The following MYL9 variants were observed in gnomAD, a reference collection of about 807,000 sequenced individuals.
MYL9 encodes the protein myosin regulatory light polypeptide 9.
Under a neutral mutation model 12.8 loss-of-function variants are expected in MYL9, and 7 were observed. The observed-to-expected ratio is 0.55, with a 90% CI of 0.31 to 1.03. The LOEUF is 1.03. Among genes scored for constraint, MYL9 ranks in the 50% least tolerant of loss-of-function variants. MYL9 has a pLI of 0.05. For missense variants in MYL9, 190 were observed against 242.7 expected, an observed-to-expected ratio of 0.78 and a Z score of 1.44; for synonymous variants, 81 against 87.8, an observed-to-expected ratio of 0.92 and a Z score of 0.43.
chr20:36,541,973 A>G (rs2038042417), intron 1 of MYL9, among the ~76,000 whole-genome samples: 1 of 151,986 alleles, frequency 6.6e-6, no homozygotes, highest in Non-Finnish European at 1.5e-5. Context: ...CATGTGTGTC[A>G]CAGATGGAGA....
rs762778277 is a variant in MYL9, at chr20:36,547,496, TG to T, written c.185-532del. On this transcript the variant is annotated intron_variant, in intron 2 of 3. Coordinates refer to ENST00000279022, the MANE Select transcript of MYL9 (RefSeq NM_006097.5). ...CTGTCTTCACAATTCCCCTAAGAGA[TG>T]GGGAAAACCAAGGTGCACAGCTGGG... 4.9e-4 allele frequency among the ~76,000 whole-genome samples: 75 copies of T among 152,156 alleles called. 1 individual carries two copies. Among genetic ancestry groups the T allele is most frequent in the Middle Eastern group, 3.2e-3 (1 of 316 alleles).
At chr20:36,548,842 G>A (rs2038134607) in intron 3 of MYL9, among the ~76,000 whole-genome samples, 1 of 152,106 alleles carries the variant, frequency 6.6e-6, no homozygotes, top group African/African-American at 2.4e-5. Flanking sequence ...CAGTCCCACT[G>A]CACAACTCCT....
rs763841365 is a variant in MYL9 at position 36,548,074 on chromosome 20, AG to A, written c.229del (p.Ala77ProfsTer18). 1.1e-5 allele frequency: 18 copies of A among 1,613,564 alleles called. No homozygotes were observed. Among genetic ancestry groups the A allele is most frequent in the Non-Finnish European group, 1.5e-5 (18 of 1,179,680 alleles). ...GAATACCTGGAGGGCATGATGAGCG[AG>A]GCCCCGGGGCCCATCAACTTCACCA... ...TDEYLEGMMSEAPGPINFTMF... is the reference protein window; with the variant it reads ...TDEYLEGMMSXAPGPINFTMF... On this transcript the variant is annotated frameshift_variant, in exon 3 of 4. Coordinates refer to ENST00000279022, the MANE Select transcript of MYL9 (RefSeq NM_006097.5). LOFTEE classifies it high-confidence loss of function.
chr20:36,544,734 G>A (rs2038074386), intron 1 of MYL9, 125 bp from the exon 2 acceptor site: 3 of 702,676 alleles, frequency 4.3e-6, no homozygotes, highest in Non-Finnish European at 4.7e-6. Context: ...ACTGGGTGGT[G>A]GGAGCCCCAA....
chr20:36,551,046 T>C lies in MYL9; in HGVS notation c.*1797T>C, dbSNP rs1162856548. On this transcript the variant is annotated 3_prime_UTR_variant, in exon 4 of 4. Transcript: ENST00000279022. ...CAGAGCCACTGCAGCACCAAAGGCA[T>C]TTCTGGAAGGAGGCAAGGACGCGTC... The C allele has an allele frequency of 6.6e-6, 1 of 152,440 alleles. No individual in the cohort carries two copies. The highest frequency in any genetic ancestry group is 1.9e-4 in the East Asian group (1 of 5,194). The allele number at this position is 152,440 out of a possible 1,614,324, so 9.4% of individuals were successfully genotyped here.
Position 36,545,058 on chromosome 20 carries a change from G to A in MYL9, c.174G>A (p.Leu58=), listed in dbSNP as rs1403388353. 6.2e-7 allele frequency: 1 copy of A among 1,613,952 alleles called. No homozygotes were observed. Among genetic ancestry groups the A allele is most frequent in the East Asian group, 2.2e-5 (1 of 44,888 alleles). Residue 58 remains leucine, a synonymous_variant, in exon 2 of 4, where the codon CTG becomes CTA. Coordinates refer to ENST00000279022, the MANE Select transcript of MYL9 (RefSeq NM_006097.5). ...FIDKEDLHDM[L]ASLGKNPTDE... The stretch of plus-strand genomic sequence containing the variant: ...ACAAGGAGGACCTGCACGACATGCT[G>A]GCCTCGCTGGGTGAGCTGGGACAGG...
rs761633274 is a variant in MYL9 at position 36,550,956 on chromosome 20, G to T, written c.*1707G>T. On this transcript the variant is annotated 3_prime_UTR_variant, in exon 4 of 4. Transcript: ENST00000279022. ...GCCAGCCCCAAGGGTGTGGGAGGGG[G>T]GTCTCAGAGTGTCCCAGGGTACTGG... 10 of 152,504 alleles carry T rather than the reference G, an allele frequency of 6.6e-5. No individual in the cohort carries two copies. Among genetic ancestry groups the T allele is most frequent in the Admixed American group, 1.3e-4 (2 of 15,264 alleles). The allele number at this position is 152,504 out of a possible 1,614,324, so 9.4% of individuals were successfully genotyped here. A position where few individuals can be genotyped will look rare whatever the true frequency, so the allele number is the denominator to read the frequency against.
In MYL9 at chr20:36,548,284, C is replaced by T. The variant is rs1015142403; in HGVS notation, c.346+91C>T. The stretch of plus-strand genomic sequence containing the variant: ...TGCCCCTAAGGGCCAGAACAGACAT[C>T]ACCCATCTCCCAGGTTCTGTCACCA... On this transcript the variant is annotated intron_variant, in intron 3 of 3. Transcript: ENST00000279022. The T allele has an allele frequency of 2.0e-5, 29 of 1,446,576 alleles. No homozygotes were observed. In the Admixed American group the frequency reaches 7.2e-4, roughly 36 times the overall value. The allele number at this position is 1,446,576 out of a possible 1,614,324, so 89.6% of individuals were successfully genotyped here. A position where few individuals can be genotyped will look rare whatever the true frequency, so the allele number is the denominator to read the frequency against.
intron 1 of MYL9, among the ~76,000 whole-genome samples, chr20:36,543,839 C>T (rs1263238120): frequency 6.6e-6 from 1 of 151,990 alleles, no homozygotes; most frequent in Non-Finnish European, 1.5e-5. Flanking sequence ...AGAAAGAGCA[C>T]AGGGGAGGAG....
intron 3 of MYL9, among the ~76,000 whole-genome samples, chr20:36,548,413 A>G (rs1051021798): frequency 1.3e-5 from 2 of 152,236 alleles, no homozygotes; most frequent in East Asian, 3.8e-4. Flanking sequence ...CGCTGGCCCA[A>G]TGCACATTCT....
rs560972507 is a variant in MYL9 at position 36,547,961 on chromosome 20, G to A, written c.185-71G>A. On this transcript the variant is annotated intron_variant, in intron 2 of 3. Transcript: ENST00000279022. The stretch of plus-strand genomic sequence containing the variant: ...GCGGTGAAGGGCAGGGGTGGGGGAC[G>A]GGGGTGCAAGTTGTCCCAGCTGGGG... 53 of 1,491,360 alleles carry A rather than the reference G, an allele frequency of 3.6e-5. No homozygotes were observed. The South Asian group carries it at 3.7e-4, about 11-fold the overall frequency. The allele number at this position is 1,491,360 out of a possible 1,614,324, so 92.4% of individuals were successfully genotyped here.
At chr20:36,546,566 G>A (rs999035462) in intron 2 of MYL9, among the ~76,000 whole-genome samples, 4 of 152,052 alleles carry the variant, frequency 2.6e-5, no homozygotes, top group African/African-American at 9.7e-5. Flanking sequence ...AGGCTCGCTT[G>A]AAGGCTCCCT....
Position 36,549,482 on chromosome 20 carries a change from A to AT in MYL9, c.*233_*234insT. The AT allele has an allele frequency of 4.2e-6, 2 of 472,142 alleles. No homozygotes were observed. Among genetic ancestry groups the AT allele is most frequent in the Non-Finnish European group, 7.6e-6 (2 of 261,524 alleles). 29.2% of individuals were successfully genotyped at this position (472,142 alleles called of 1,614,324 possible). A position where few individuals can be genotyped will look rare whatever the true frequency, so the allele number is the denominator to read the frequency against. On this transcript the variant is annotated 3_prime_UTR_variant, in exon 4 of 4. Coordinates refer to ENST00000279022, the MANE Select transcript of MYL9 (RefSeq NM_006097.5). The stretch of plus-strand genomic sequence containing the variant: ...TAGTCTCTGACCCCTCCAAGGAAAG[A>AT]CCACCTTCTGGGGACATGGGCTGGA...
intron 2 of MYL9, among the ~76,000 whole-genome samples, chr20:36,545,668 C>T (rs572499093): frequency 5.9e-4 from 90 of 152,018 alleles, no homozygotes; most frequent in Non-Finnish European, 1.1e-3. Context: ...CTGTGGCTCA[C>T]GCCTGTAATC....
Position 36,549,256 on chromosome 20 carries a change from C to T in MYL9, c.*7C>T. The T allele has an allele frequency of 6.3e-7, 1 of 1,599,232 alleles. No individual in the cohort carries two copies. The highest frequency in any genetic ancestry group is 8.5e-7 in the Non-Finnish European group (1 of 1,170,904). On this transcript the variant is annotated 3_prime_UTR_variant, in exon 4 of 4. Transcript: ENST00000279022. ...CAAGGATAAAGACGACTAGGCCACC[C>T]CAGCCCCCTGACACCCCAGCCCCCG...
chr20:36,545,538 G>A lies in MYL9; in HGVS notation c.184+470G>A, dbSNP rs567998724. ...ACAGGGAAACTGAAGCACAAAGCAG[G>A]TCCACCACAGGGTCTGAACGTAGAC... is the stretch of plus-strand genomic sequence containing the variant. On this transcript the variant is annotated intron_variant, in intron 2 of 3. Coordinates refer to ENST00000279022, the MANE Select transcript of MYL9 (RefSeq NM_006097.5). Among the ~76,000 whole-genome samples, 11 of 151,280 alleles carry A rather than the reference G, an allele frequency of 7.3e-5. No homozygotes were observed. In the South Asian group the frequency reaches 2.3e-3, roughly 32 times the overall value.
chr20:36,548,954 A>C, intron 3 of MYL9, 123 bp from the exon 4 acceptor site: 1 of 1,008,704 alleles, frequency 9.9e-7, no homozygotes, highest in Non-Finnish European at 1.4e-6. Context: ...CTGACCAGAG[A>C]CTAAGATTGT....
chr20:36,544,391 C>T (rs932505073), intron 1 of MYL9, among the ~76,000 whole-genome samples: 1 of 152,136 alleles, frequency 6.6e-6, no homozygotes, highest in Admixed American at 6.5e-5. Context: ...TGGATGGCAG[C>T]CCAGGAGAGC....
At chr20:36,542,873 C>T (rs1039896416) in intron 1 of MYL9, among the ~76,000 whole-genome samples, 11 of 152,220 alleles carry the variant, frequency 7.2e-5, no homozygotes, top group African/African-American at 2.4e-4. Context: ...GCAGAGAGTG[C>T]AGACCGGGTG....
Sources: gnomAD v4.1 joint callset for allele counts (sites outside exome capture counted in the v4.1 genomes callset) on GRCh38, gnomAD v4.1.1 for gene constraint, MANE v1.5 for transcripts, NCBI Gene and HGNC (gene_info 2026-07-23, HGNC 2026-07-21) for gene names.